CLSTN2: variants seen among roughly 807,000 people sequenced by gnomAD.
The protein encoded by CLSTN2 is calsyntenin-2.
In CLSTN2, 48 loss-of-function variants were observed where a neutral mutation model predicts 101.2. That is an observed-to-expected ratio of 0.47 (90% CI 0.38 to 0.60). The LOEUF is 0.60. Ranked by LOEUF, CLSTN2 falls within the 20% of genes least tolerant of loss-of-function variation. CLSTN2 has a pLI of 0.00. For synonymous variants in CLSTN2, 481 were observed against 463.6 expected (o/e 1.04, Z -0.48); for missense variants, 1,160 against 1,238.2 (o/e 0.94, Z 0.95).
At chr3:140,022,675 G>C (rs1050679700) in intron 1 of CLSTN2, among the ~76,000 whole-genome samples, 1 of 152,230 alleles carries the variant, frequency 6.6e-6, no homozygotes, top group African/African-American at 2.4e-5. Context: ...GTGCTGCTGT[G>C]TGGAGAATGG....
chr3:140,322,924 A>C (rs1333425764), intron 2 of CLSTN2, among the ~76,000 whole-genome samples: 1 of 152,264 alleles, frequency 6.6e-6, no homozygotes, highest in Non-Finnish European at 1.5e-5. Context: ...TAAGGGAGAA[A>C]TAAAAAACAT....
chr3:140,109,183 C>T (rs1346853207), intron 1 of CLSTN2, among the ~76,000 whole-genome samples: 2 of 152,096 alleles, frequency 1.3e-5, no homozygotes, highest in African/African-American at 4.8e-5. Context: ...TTCCTTGCCC[C>T]AATGTAACAG....
chr3:140,189,743 A>C (rs989271416), intron 2 of CLSTN2, among the ~76,000 whole-genome samples: 1 of 151,846 alleles, frequency 6.6e-6, no homozygotes. Flanking sequence ...TTAGGTTGAG[A>C]CTCCTTTATT....
At chr3:140,320,691 C>T (rs2087274672) in intron 2 of CLSTN2, among the ~76,000 whole-genome samples, 1 of 151,666 alleles carries the variant, frequency 6.6e-6, no homozygotes, top group Non-Finnish European at 1.5e-5. Flanking sequence ...TGACTATTGA[C>T]TCCCCCTTCC....
chr3:140,131,872 T>G (rs1327558908), intron 1 of CLSTN2, among the ~76,000 whole-genome samples: 3 of 151,724 alleles, frequency 2.0e-5, no homozygotes, highest in Non-Finnish European at 2.9e-5. Flanking sequence ...GGGCTAAAAC[T>G]GTCCCACAAT....
chr3:140,503,436 T>C (rs1193524500), intron 8 of CLSTN2, among the ~76,000 whole-genome samples: 1 of 152,228 alleles, frequency 6.6e-6, no homozygotes, highest in Non-Finnish European at 1.5e-5. Context: ...TACAGGTCCA[T>C]AGCCTAGGAG....
At position 140,212,799 on chromosome 3, in the gene CLSTN2, A is replaced by G. The variant is rs1406472848; in HGVS notation, c.232+36726A>G. Among the ~76,000 whole-genome samples, 5 of 152,126 alleles carry G rather than the reference A, an allele frequency of 3.3e-5. No individual in the cohort carries two copies. The South Asian group carries it at 1.0e-3, about 32-fold the overall frequency. ...ATGCCTGAAATTCTAATCCCCCACC[A>G]TAAGACCCACCAGGCCTCAGCCCTC... is the stretch of plus-strand genomic sequence containing the variant. On this transcript the variant is annotated intron_variant, in intron 2 of 16. Coordinates refer to ENST00000458420, the MANE Select transcript of CLSTN2 (RefSeq NM_022131.3).
At chr3:140,467,495 A>G (rs756874163) in intron 8 of CLSTN2, among the ~76,000 whole-genome samples, 4 of 152,220 alleles carry the variant, frequency 2.6e-5, no homozygotes, top group Non-Finnish European at 4.4e-5. Flanking sequence ...GAATGCCAGC[A>G]GTCAGAAAAT....
At position 140,475,283 on chromosome 3, in the gene CLSTN2, C is replaced by T. The variant is rs531314649; in HGVS notation, c.1344+8552C>T. Among the ~76,000 whole-genome samples, 15 of 152,242 alleles carry T rather than the reference C, an allele frequency of 9.9e-5. No homozygotes were observed. In the South Asian group the frequency reaches 2.9e-3, roughly 30 times the overall value. On this transcript the variant is annotated intron_variant, in intron 8 of 16. Coordinates refer to ENST00000458420, the MANE Select transcript of CLSTN2 (RefSeq NM_022131.3). Reference sequence around the variant, plus strand: ...TTTAACAAAGTGCAGATCAGTGTTGCCCAATGTTGATGGAGCATATTGCAT... The same window carrying T: ...TTTAACAAAGTGCAGATCAGTGTTGTCCAATGTTGATGGAGCATATTGCAT...
intron 2 of CLSTN2, among the ~76,000 whole-genome samples, chr3:140,368,254 C>A (rs892383538): frequency 6.6e-6 from 1 of 152,144 alleles, no homozygotes; most frequent in Non-Finnish European, 1.5e-5. Context: ...GAGCACTCCA[C>A]GTGCTTTCCT....
At chr3:140,565,312 A>C (rs1193948420) in intron 16 of CLSTN2, among the ~76,000 whole-genome samples, 2 of 152,182 alleles carry the variant, frequency 1.3e-5, no homozygotes, top group African/African-American at 4.8e-5. Flanking sequence ...AGAAGGTAGG[A>C]GGTAAAAGAC....
At chr3:140,142,875 A>T (rs2009724203) in intron 1 of CLSTN2, among the ~76,000 whole-genome samples, 2 of 152,212 alleles carry the variant, frequency 1.3e-5, no homozygotes, top group African/African-American at 4.8e-5. Context: ...AGGAAGTCAG[A>T]GGTGATGACC....
At chr3:140,456,556 G>A (rs1389519126) in intron 6 of CLSTN2, among the ~76,000 whole-genome samples, 2 of 152,182 alleles carry the variant, frequency 1.3e-5, no homozygotes, top group African/African-American at 2.4e-5. Context: ...GGAGGCTGAG[G>A]CGGGCAGATC....
intron 10 of CLSTN2, among the ~76,000 whole-genome samples, chr3:140,552,026 C>T (rs1267558440): frequency 1.3e-5 from 2 of 151,918 alleles, no homozygotes; most frequent in African/African-American, 4.8e-5. Context: ...TAATATGGAC[C>T]ATGGGCAGGC....
chr3:140,386,989 C>T (rs1264606675), intron 2 of CLSTN2, among the ~76,000 whole-genome samples: 6 of 152,190 alleles, frequency 3.9e-5, no homozygotes, highest in African/African-American at 1.2e-4. Flanking sequence ...CAGTGCTTCT[C>T]CTAAACTTAC....
At chr3:140,434,654 G>C (rs778855118) in intron 5 of CLSTN2, among the ~76,000 whole-genome samples, 4 of 152,226 alleles carry the variant, frequency 2.6e-5, no homozygotes, top group Non-Finnish European at 5.9e-5. Context: ...GAAGGGGCCA[G>C]TGATGGGAAG....
chr3:140,009,252 G>T (rs2007022177), intron 1 of CLSTN2, among the ~76,000 whole-genome samples: 1 of 152,166 alleles, frequency 6.6e-6, no homozygotes, highest in Non-Finnish European at 1.5e-5. Flanking sequence ...CTGATTCCAA[G>T]TGTCGATCTT....
intron 2 of CLSTN2, among the ~76,000 whole-genome samples, chr3:140,277,391 C>T (rs935408036): frequency 8.5e-5 from 13 of 152,190 alleles, no homozygotes; most frequent in Non-Finnish European, 1.5e-4. Context: ...CTCCAGTTAC[C>T]TATTTATCCT....
At chr3:140,368,356 C>T (rs1211419389) in intron 2 of CLSTN2, among the ~76,000 whole-genome samples, 3 of 152,158 alleles carry the variant, frequency 2.0e-5, no homozygotes, top group Non-Finnish European at 4.4e-5. Context: ...AGCAAGAGCT[C>T]AGAGGAAGAA....
Sources: gnomAD v4.1 joint callset for allele counts (sites outside exome capture counted in the v4.1 genomes callset) on GRCh38, gnomAD v4.1.1 for gene constraint, MANE v1.5 for transcripts, NCBI Gene and HGNC (gene_info 2026-07-23, HGNC 2026-07-21) for gene names.